Variants in WASF1 observed in about 807,000 individuals in gnomAD.
The protein encoded by WASF1 is actin-binding protein WASF1.
In WASF1, 7 loss-of-function variants were observed where a neutral mutation model predicts 50.5. That is an observed-to-expected ratio of 0.14 (90% confidence interval 0.08 to 0.26). The LOEUF (loss-of-function observed/expected upper bound fraction) is 0.26, where lower values mean the gene tolerates loss of function less well. Among genes scored for constraint, WASF1 ranks in the 10% least tolerant of loss-of-function variants. The probability of loss-of-function intolerance (pLI) is 1.00; values close to 1 mark genes in which losing one functional copy is unlikely to be tolerated. For missense variants in WASF1, 470 were observed against 694.7 expected (o/e 0.68, Z 3.64); for synonymous variants, 205 against 244.0 (o/e 0.84, Z 1.49).
chr6:110,139,867 T>C (rs917164825), intron 3 of WASF1, among the ~76,000 whole-genome samples: 10 of 138,318 alleles, frequency 7.2e-5, no homozygotes, highest in Non-Finnish European at 9.5e-5. Context: ...CAATAACTAA[T>C]AATAGAAAAT....
At chr6:110,159,651 G>A (rs2030569791) in intron 3 of WASF1, among the ~76,000 whole-genome samples, 1 of 151,846 alleles carries the variant, frequency 6.6e-6, no homozygotes, top group Non-Finnish European at 1.5e-5. Context: ...CTTGGGACCA[G>A]AAGTGTTTCC....
chr6:110,159,648 C>G lies in WASF1; in HGVS notation c.-29+987G>C, dbSNP rs918735397. ...CATCCCTTATCTGAAATGCTTGGGA[C>G]CAGAAGTGTTTCCAGTTTCAAAAAT... is the stretch of plus-strand genomic sequence containing the variant. On this transcript the variant is annotated intron_variant, in intron 3 of 10. Transcript: ENST00000392589. Among the ~76,000 whole-genome samples the G allele has an allele frequency of 4.0e-5, 6 of 151,884 alleles. No homozygotes were observed. In the South Asian group the frequency reaches 1.2e-3, roughly 31 times the overall value.
intron 6 of WASF1, 116 bp from the exon 7 acceptor site, chr6:110,107,310 T>C (rs1773365869): frequency 4.6e-6 from 3 of 654,218 alleles, no homozygotes; most frequent in Non-Finnish European, 7.4e-6. Context: ...CATGTTAAAA[T>C]AGTGCCAAAA....
intron 3 of WASF1, among the ~76,000 whole-genome samples, chr6:110,137,053 T>C (rs756171238): frequency 1.3e-5 from 2 of 152,216 alleles, no homozygotes; most frequent in Non-Finnish European, 2.9e-5. Flanking sequence ...TACAGTATCC[T>C]TGGTGCCTGG....
At chr6:110,122,995 C>T (rs1774208688) in intron 4 of WASF1, among the ~76,000 whole-genome samples, 1 of 152,036 alleles carries the variant, frequency 6.6e-6, no homozygotes, top group Admixed American at 6.6e-5. Flanking sequence ...GCTTTTAAAC[C>T]TTGTTCTACT....
At chr6:110,145,034 A>G (rs866433171) in intron 3 of WASF1, among the ~76,000 whole-genome samples, 14 of 152,296 alleles carry the variant, frequency 9.2e-5, no homozygotes, top group Middle Eastern at 6.8e-3. Context: ...CATTGAATCT[A>G]TAAATTACCT....
chr6:110,170,138 T>A (rs1776643018), intron 2 of WASF1, among the ~76,000 whole-genome samples: 1 of 151,994 alleles, frequency 6.6e-6, no homozygotes, highest in African/African-American at 2.4e-5. Context: ...GAGAAAGAAG[T>A]ATAATTGATA....
At chr6:110,167,013 T>C (rs1218266738) in intron 2 of WASF1, among the ~76,000 whole-genome samples, 1 of 151,922 alleles carries the variant, frequency 6.6e-6, no homozygotes, top group Non-Finnish European at 1.5e-5. Flanking sequence ...ACATATATGT[T>C]GGTAGTCACA....
Position 110,158,536 on chromosome 6 carries a change from G to T in WASF1, c.-29+2099C>A, listed in dbSNP as rs1776122214. Among the ~76,000 whole-genome samples the T allele has an allele frequency of 1.5e-5, 2 of 130,762 alleles. 1 individual carries two copies. Among genetic ancestry groups the T allele is most frequent in the African/African-American group, 6.6e-5 (2 of 30,268 alleles). The allele number at this position is 130,762 out of a possible 152,430, so 85.8% of individuals were successfully genotyped here. A position where few individuals can be genotyped will look rare whatever the true frequency, so the allele number is the denominator to read the frequency against. On this transcript the variant is annotated intron_variant, in intron 3 of 10. Coordinates refer to ENST00000392589, the MANE Select transcript of WASF1 (RefSeq NM_003931.3). Reference sequence around the variant, plus strand: ...CTGGATTCATTGATTTTTTGAAGAGGATCCTATTCGGCCATCTTGGCTCTT... The same window carrying T: ...CTGGATTCATTGATTTTTTGAAGAGTATCCTATTCGGCCATCTTGGCTCTT...
chr6:110,142,201 C>T (rs1481726844), intron 3 of WASF1, among the ~76,000 whole-genome samples: 1 of 152,312 alleles, frequency 6.6e-6, no homozygotes, highest in East Asian at 1.9e-4. Flanking sequence ...CTCATTTCTT[C>T]ATCTTTATGG....
intron 4 of WASF1, among the ~76,000 whole-genome samples, chr6:110,116,291 G>A (rs1304428668): frequency 6.6e-6 from 1 of 152,190 alleles, no homozygotes; most frequent in African/African-American, 2.4e-5. Flanking sequence ...GGGAAGCTGT[G>A]ACAGACTCTA....
Position 110,160,104 on chromosome 6 carries a change from C to T in WASF1, c.-29+531G>A, listed in dbSNP as rs561027684. 3.3e-5 allele frequency among the ~76,000 whole-genome samples: 5 copies of T among 151,848 alleles called. No individual in the cohort carries two copies. The East Asian group carries it at 5.8e-4, about 18-fold the overall frequency. ...AAACAGAATATACACTTCCATCATACACAAAATTATATTAAAAATGTTAGT... is the reference window on the plus strand; with the variant it reads ...AAACAGAATATACACTTCCATCATATACAAAATTATATTAAAAATGTTAGT... On this transcript the variant is annotated intron_variant, in intron 3 of 10. Coordinates refer to ENST00000392589, the MANE Select transcript of WASF1 (RefSeq NM_003931.3).
chr6:110,169,378 T>C lies in WASF1; in HGVS notation c.-126-8646A>G, dbSNP rs1005152978. Among the ~76,000 whole-genome samples the C allele has an allele frequency of 5.3e-5, 8 of 152,138 alleles. No individual in the cohort carries two copies. In the South Asian group the frequency reaches 6.2e-4, roughly 12 times the overall value. On this transcript the variant is annotated intron_variant, in intron 2 of 10. Coordinates refer to ENST00000392589, the MANE Select transcript of WASF1 (RefSeq NM_003931.3). ...AAACTTATTCTTTGGGCTTCTCTAT[T>C]TCTAGTAACAGCACCAAATCACTTA...
At chr6:110,142,707 C>T (rs1775302358) in intron 3 of WASF1, among the ~76,000 whole-genome samples, 1 of 150,100 alleles carries the variant, frequency 6.7e-6, no homozygotes. Context: ...TCAAATTCAT[C>T]TCAGTATTTT....
intron 3 of WASF1, among the ~76,000 whole-genome samples, chr6:110,134,058 A>G (rs1235410221): frequency 6.6e-6 from 1 of 151,986 alleles, no homozygotes; most frequent in Non-Finnish European, 1.5e-5. Context: ...ATCTAAGCTC[A>G]CTGCAACCTC....
chr6:110,119,269 T>A (rs1439091472), intron 4 of WASF1, among the ~76,000 whole-genome samples: 1 of 151,746 alleles, frequency 6.6e-6, no homozygotes, highest in Non-Finnish European at 1.5e-5. Flanking sequence ...TTTGAAAAGA[T>A]CAACAAAATA....
chr6:110,141,772 CT>C (rs201112030), intron 3 of WASF1, among the ~76,000 whole-genome samples: 3,044 of 145,694 alleles, frequency 0.021, 94 homozygotes, highest in African/African-American at 0.07. Flanking sequence ...ATACACTTAT[CT>C]TTTTTTTTTT....
chr6:110,108,698 G>A lies in WASF1; in HGVS notation c.269-17C>T. ...GCAAAGACACTAAAACAAAAATCAA[G>A]AATTCATTTTATTTTATTTTACTAA... On this transcript the variant is annotated splice_polypyrimidine_tract_variant and intron_variant, in intron 5 of 10. Coordinates refer to ENST00000392589, the MANE Select transcript of WASF1 (RefSeq NM_003931.3). The A allele has an allele frequency of 6.2e-7, 1 of 1,602,606 alleles. No homozygotes were observed. The highest frequency in any genetic ancestry group is 8.5e-7 in the Non-Finnish European group (1 of 1,173,468).
chr6:110,161,915 TAAAGA>T (rs1302042915), intron 2 of WASF1, among the ~76,000 whole-genome samples: 2 of 151,300 alleles, frequency 1.3e-5, no homozygotes, highest in Non-Finnish European at 3.0e-5. Context: ...CATATGCAAA[TAAAGA>T]AAAGAGGTCT....
Sources: allele counts gnomAD v4.1 joint callset (sites outside exome capture counted in the v4.1 genomes callset), GRCh38; gene constraint gnomAD v4.1.1; transcripts MANE v1.5; gene names NCBI Gene and HGNC (gene_info 2026-07-23, HGNC 2026-07-21).